The following DLGAP2 variants were observed in gnomAD, a reference collection of about 807,000 sequenced individuals.
DLGAP2 encodes the protein disks large-associated protein 2.
Under a neutral mutation model 100.3 loss-of-function variants are expected in DLGAP2, and 26 were observed. The observed-to-expected ratio is 0.26, with a 90% confidence interval of 0.19 to 0.36. The LOEUF is 0.36. Ranked by LOEUF, DLGAP2 falls within the 10% of genes least tolerant of loss-of-function variation. The pLI, the probability that DLGAP2 is intolerant of heterozygous loss-of-function variation, is 1.00. For synonymous variants in DLGAP2, 886 were observed against 630.1 expected (o/e 1.41, Z -6.08); for missense variants, 1,858 against 1,453.2 (o/e 1.28, Z -4.53).
In DLGAP2 at chr8:1,340,281, G is replaced by A. The variant is rs145249087; in HGVS notation, c.106+81398G>A. Among the ~76,000 whole-genome samples, 800 of 152,216 alleles carry A rather than the reference G, an allele frequency of 5.3e-3. 8 individuals carry two copies. Among genetic ancestry groups the A allele is most frequent in the African/African-American group, 0.018 (740 of 41,544 alleles). On this transcript the variant is annotated intron_variant, in intron 3 of 14. Transcript: ENST00000637795. ...AGCTTCTGCACAACAAAAGAAACTA[G>A]CATCAGAGCAAACAGGCAACCTACA...
intron 3 of DLGAP2, among the ~76,000 whole-genome samples, chr8:1,325,589 G>A (rs1396449733): frequency 6.6e-6 from 1 of 152,080 alleles, no homozygotes; most frequent in Non-Finnish European, 1.5e-5. Context: ...GATGCAAAAG[G>A]GATCTCCCCT....
chr8:899,872 G>T (rs578130273), intron 1 of DLGAP2, among the ~76,000 whole-genome samples: 8 of 152,198 alleles, frequency 5.3e-5, no homozygotes, highest in Admixed American at 2.0e-4. Context: ...CCACTTATTT[G>T]TTATGTGAAC....
At chr8:1,283,517 C>T (rs1174897451) in intron 3 of DLGAP2, among the ~76,000 whole-genome samples, 1 of 152,218 alleles carries the variant, frequency 6.6e-6, no homozygotes, top group Admixed American at 6.5e-5. Context: ...TTAGCAGCTG[C>T]AGAAGACAGT....
chr8:1,387,888 A>G lies in DLGAP2; in HGVS notation c.107-113478A>G, dbSNP rs543916029. 2.0e-5 allele frequency among the ~76,000 whole-genome samples: 3 copies of G among 152,334 alleles called. No individual in the cohort carries two copies. The South Asian group carries it at 6.2e-4, about 32-fold the overall frequency. ...GGATTTGATGGCGCTGGAAGCCGAG[A>G]TGTCCTGTGAGTAGGTTCACCTGGG... On this transcript the variant is annotated intron_variant, in intron 3 of 14. Transcript: ENST00000637795.
At chr8:1,210,007 A>T (rs2116783001) in intron 2 of DLGAP2, among the ~76,000 whole-genome samples, 1 of 152,336 alleles carries the variant, frequency 6.6e-6, no homozygotes, top group African/African-American at 2.4e-5. Context: ...TCCAGGATTC[A>T]GTGTCAGTCA....
intron 1 of DLGAP2, among the ~76,000 whole-genome samples, chr8:750,982 T>C (rs1378060238): frequency 1.3e-5 from 2 of 152,248 alleles, no homozygotes; most frequent in Admixed American, 6.5e-5. Context: ...GAAGCTTCTT[T>C]TTCCATCAGC....
Position 1,127,942 on chromosome 8 carries a change from A to G in DLGAP2, c.74-130909A>G, listed in dbSNP as rs879294955. Among the ~76,000 whole-genome samples, 4 of 152,230 alleles carry G rather than the reference A, an allele frequency of 2.6e-5. No homozygotes were observed. The East Asian group carries it at 5.8e-4, about 22-fold the overall frequency. ...TCAAATAATGATTAAGCCACGCAAAATGTTCTAAAATAGATTCTCATTTTC... is the reference window on the plus strand; with the variant it reads ...TCAAATAATGATTAAGCCACGCAAAGTGTTCTAAAATAGATTCTCATTTTC... On this transcript the variant is annotated intron_variant, in intron 2 of 14. Coordinates refer to ENST00000637795, the MANE Select transcript of DLGAP2 (RefSeq NM_001346810.2).
chr8:1,518,443 T>A (rs762152215), intron 4 of DLGAP2, among the ~76,000 whole-genome samples: 3 of 152,224 alleles, frequency 2.0e-5, no homozygotes, highest in Non-Finnish European at 4.4e-5. Context: ...TCACTTCATG[T>A]ATGCTTGTGC....
intron 8 of DLGAP2, among the ~76,000 whole-genome samples, chr8:1,667,757 C>T (rs1798581785): frequency 6.6e-6 from 1 of 152,194 alleles, no homozygotes; most frequent in Non-Finnish European, 1.5e-5. Context: ...GCTTCTGAAC[C>T]TAGTGTGATA....
chr8:1,661,800 C>A (rs915881519), intron 8 of DLGAP2, among the ~76,000 whole-genome samples: 1 of 152,186 alleles, frequency 6.6e-6, no homozygotes, highest in African/African-American at 2.4e-5. Flanking sequence ...CTAGGAGGGT[C>A]AGTTTCTATG....
chr8:1,601,945 G>GGT (rs55762722), intron 6 of DLGAP2, among the ~76,000 whole-genome samples: 3,948 of 146,382 alleles, frequency 0.027, 63 homozygotes, highest in South Asian at 0.04. Flanking sequence ...AATTTAACAG[G>GGT]GTGTGTGTGT....
chr8:1,209,451 A>T (rs1409061060), intron 2 of DLGAP2, among the ~76,000 whole-genome samples: 2 of 152,196 alleles, frequency 1.3e-5, no homozygotes, highest in African/African-American at 4.8e-5. Flanking sequence ...TTGCATATGT[A>T]GTCCTAGATC....
chr8:1,208,052 C>G (rs1337757316), intron 2 of DLGAP2, among the ~76,000 whole-genome samples: 2 of 152,184 alleles, frequency 1.3e-5, no homozygotes, highest in Non-Finnish European at 2.9e-5. Flanking sequence ...TTTTGCTGTG[C>G]AGAAGCTTTT....
rs370310823 is a variant in DLGAP2 at position 1,039,205 on chromosome 8, G to A, written c.73+131239G>A. 1.1e-4 allele frequency among the ~76,000 whole-genome samples: 16 copies of A among 151,426 alleles called. No individual in the cohort carries two copies. The East Asian group carries it at 2.0e-3, about 19-fold the overall frequency. On this transcript the variant is annotated intron_variant, in intron 2 of 14. Transcript: ENST00000637795. ...TCAGCTCGGTTTCCGTGGTCAGCTC[G>A]GTGTGCGTGGTCAGCTCGGTTTCCG...
intron 12 of DLGAP2, among the ~76,000 whole-genome samples, chr8:1,689,592 G>A (rs1035918635): frequency 6.6e-6 from 1 of 152,136 alleles, no homozygotes; most frequent in Non-Finnish European, 1.5e-5. Flanking sequence ...GTTTTAGGGT[G>A]TGTCGTGTAG....
chr8:1,504,988 A>T (rs900987878), intron 4 of DLGAP2, among the ~76,000 whole-genome samples: 1 of 152,100 alleles, frequency 6.6e-6, no homozygotes, highest in Admixed American at 6.5e-5. Flanking sequence ...TAAGAGAAAA[A>T]GCAAAAAACA....
intron 5 of DLGAP2, among the ~76,000 whole-genome samples, chr8:1,560,172 T>C (rs1802111921): frequency 6.6e-6 from 1 of 152,260 alleles, no homozygotes; most frequent in South Asian, 2.1e-4. Context: ...CTTCATCTCC[T>C]AGTGACGGTC....
intron 3 of DLGAP2, among the ~76,000 whole-genome samples, chr8:1,427,871 A>G (rs1310162781): frequency 1.3e-5 from 2 of 152,238 alleles, no homozygotes; most frequent in Non-Finnish European, 2.9e-5. Context: ...ATTGACCAAT[A>G]CAGTACTCTT....
intron 2 of DLGAP2, among the ~76,000 whole-genome samples, chr8:1,209,009 A>G (rs1453097132): frequency 6.6e-6 from 1 of 152,128 alleles, no homozygotes; most frequent in Admixed American, 6.6e-5. Context: ...AGATGACACA[A>G]ACAAATGGTA....
Sources: gnomAD v4.1 joint callset for allele counts (sites outside exome capture counted in the v4.1 genomes callset) on GRCh38, gnomAD v4.1.1 for gene constraint, MANE v1.5 for transcripts, NCBI Gene and HGNC (gene_info 2026-07-23, HGNC 2026-07-21) for gene names.